The following XXYLT1 variants were observed in gnomAD, a reference collection of about 807,000 sequenced individuals.
The protein encoded by XXYLT1 is UDP-xylose:alpha-xyloside alpha-1,3-xylosyltransferase.
A neutral mutation model predicts 28.9 loss-of-function variants in XXYLT1; 20 were observed. That is an observed-to-expected ratio of 0.69 (90% CI 0.49 to 1.00). XXYLT1 has a LOEUF of 1.00. Ranked by LOEUF, XXYLT1 falls within the 50% of genes least tolerant of loss-of-function variation. The pLI, the probability that XXYLT1 is intolerant of heterozygous loss-of-function variation, is 0.00. For missense variants in XXYLT1, 542 were observed against 560.1 expected (o/e 0.97, Z 0.33); for synonymous variants, 257 against 253.8 (o/e 1.01, Z -0.12).
intron 3 of XXYLT1, among the ~76,000 whole-genome samples, chr3:195,097,563 C>T (rs1716519424): frequency 6.6e-6 from 1 of 152,144 alleles, no homozygotes; most frequent in Admixed American, 6.5e-5. Context: ...GAAACTGAGG[C>T]TTACAAGGGT....
intron 1 of XXYLT1, among the ~76,000 whole-genome samples, chr3:195,268,598 C>CAAA (rs1725917193): frequency 6.2e-5 from 3 of 48,218 alleles, no homozygotes; most frequent in Admixed American, 5.5e-4. Flanking sequence ...AACTCCATCT[C>CAAA]ACAAAAAAAA....
chr3:195,079,411 G>A (rs907082639), intron 3 of XXYLT1, among the ~76,000 whole-genome samples: 2 of 152,174 alleles, frequency 1.3e-5, no homozygotes, highest in African/African-American at 4.8e-5. Context: ...AAGACAGACT[G>A]AAGAAATACA....
chr3:195,209,463 A>G lies in XXYLT1; in HGVS notation c.652+17246T>C, dbSNP rs1455926812. The G allele has an allele frequency of 6.6e-6, 1 of 152,484 alleles. No homozygotes were observed. Among genetic ancestry groups the G allele is most frequent in the African/African-American group, 2.4e-5 (1 of 41,572 alleles). 9.4% of individuals were successfully genotyped at this position (152,484 alleles called of 1,614,324 possible). A position where few individuals can be genotyped will look rare whatever the true frequency, so the allele number is the denominator to read the frequency against. On this transcript the variant is annotated intron_variant, in intron 2 of 3. Coordinates refer to ENST00000310380, the MANE Select transcript of XXYLT1 (RefSeq NM_152531.5). This position sits in a 1 kb window ranked among gnomAD's most constrained non-coding sequence, Gnocchi z 5.0. ...TTCCGGCTCTTGCCATCTCAGCCAC[A>G]TCAGGCCCGACTTAGGACCCTCTGG... is the stretch of plus-strand genomic sequence containing the variant.
At chr3:195,098,898 C>A (rs1012524086) in intron 3 of XXYLT1, among the ~76,000 whole-genome samples, 2 of 152,216 alleles carry the variant, frequency 1.3e-5, no homozygotes, top group Non-Finnish European at 2.9e-5. Context: ...GGCTTTCCGT[C>A]CCATGTTCTG....
At position 195,210,184 on chromosome 3, in the gene XXYLT1, CTG is replaced by C. The variant is rs1050878365; in HGVS notation, c.652+16523_652+16524del. On this transcript the variant is annotated intron_variant, in intron 2 of 3. Coordinates refer to ENST00000310380, the MANE Select transcript of XXYLT1 (RefSeq NM_152531.5). The surrounding 1 kb of genome is among the most constrained non-coding windows in gnomAD (Gnocchi z 4.8). ...CCTCATCCTCCTCAAAGCTTCCTCT[CTG>C]TGCCCTGACAGAACTGACAGCACCT... Among the ~76,000 whole-genome samples the C allele has an allele frequency of 2.0e-5, 3 of 152,234 alleles. No individual in the cohort carries two copies. Among genetic ancestry groups the C allele is most frequent in the African/African-American group, 7.2e-5 (3 of 41,458 alleles).
intron 1 of XXYLT1, among the ~76,000 whole-genome samples, chr3:195,262,209 T>C (rs1450311934): frequency 6.6e-6 from 1 of 152,154 alleles, no homozygotes; most frequent in East Asian, 1.9e-4. Context: ...CTAAAAACAC[T>C]AGGCTAAAAG....
rs572136176 is a variant in XXYLT1 at position 195,256,425 on chromosome 3, C to T, written c.504+14130G>A. The T allele has an allele frequency of 3.7e-4, 339 of 923,154 alleles. No homozygotes were observed. The highest frequency in any genetic ancestry group is 4.0e-4 in the Non-Finnish European group (308 of 773,072). 57.2% of individuals were successfully genotyped at this position (923,154 alleles called of 1,614,324 possible). A position where few individuals can be genotyped will look rare whatever the true frequency, so the allele number is the denominator to read the frequency against. ...TCATGCTCCGCGCAGGCCTGAGGTG[C>T]GGCCCTGCACAGGGCAGGGCCCGAG... On this transcript the variant is annotated intron_variant, in intron 1 of 3. Coordinates refer to ENST00000310380, the MANE Select transcript of XXYLT1 (RefSeq NM_152531.5). This position sits in a 1 kb window ranked among gnomAD's most constrained non-coding sequence, Gnocchi z 4.2.
intron 3 of XXYLT1, among the ~76,000 whole-genome samples, chr3:195,073,055 CA>C (rs1453030927): frequency 6.6e-6 from 1 of 152,206 alleles, no homozygotes; most frequent in Non-Finnish European, 1.5e-5. Context: ...CCTGGCAGCC[CA>C]GGGACATTAC....
At chr3:195,149,776 A>G (rs60023213) in intron 3 of XXYLT1, among the ~76,000 whole-genome samples, 1 of 152,220 alleles carries the variant, frequency 6.6e-6, no homozygotes, top group African/African-American at 2.4e-5. Flanking sequence ...ATACCTTACA[A>G]TGTTTAGGGT....
chr3:195,263,918 C>T (rs952408538), intron 1 of XXYLT1, among the ~76,000 whole-genome samples: 2 of 152,138 alleles, frequency 1.3e-5, no homozygotes, highest in Non-Finnish European at 2.9e-5. Flanking sequence ...ACTATAGTGT[C>T]GACGGGAAAA....
At chr3:195,207,187 G>A (rs992870912) in intron 2 of XXYLT1, among the ~76,000 whole-genome samples, 12 of 152,176 alleles carry the variant, frequency 7.9e-5, no homozygotes, top group South Asian at 2.1e-4. Flanking sequence ...CTGGGGCATC[G>A]GGCCTGCAGG....
intron 3 of XXYLT1, among the ~76,000 whole-genome samples, chr3:195,083,370 A>C (rs1715546943): frequency 6.6e-6 from 1 of 152,156 alleles, no homozygotes; most frequent in African/African-American, 2.4e-5. Context: ...AGTCCTCAGG[A>C]AACTTCTGAA....
At position 195,076,340 on chromosome 3, in the gene XXYLT1, G is replaced by A. The variant is rs11921838; in HGVS notation, c.786-6229C>T. On this transcript the variant is annotated intron_variant, in intron 3 of 3. Transcript: ENST00000310380. The surrounding 1 kb of genome is among the most constrained non-coding windows in gnomAD (Gnocchi z 5.3). ...GAAGCCCGCACGGGGTCACGGGGCC[G>A]ACTGCGGCACAGACATTGGAACTCG... Among the ~76,000 whole-genome samples, 3,800 of 146,270 alleles carry A rather than the reference G, an allele frequency of 0.026. 143 individuals are homozygous for A. The highest frequency in any genetic ancestry group is 0.089 in the African/African-American group (3,607 of 40,422).
At position 195,077,081 on chromosome 3, in the gene XXYLT1, T is replaced by G. The variant is rs963900115; in HGVS notation, c.786-6970A>C. On this transcript the variant is annotated intron_variant, in intron 3 of 3. Transcript: ENST00000310380. The surrounding 1 kb of genome is among the most constrained non-coding windows in gnomAD (Gnocchi z 4.8). ...ACTGTCCAGGGACTCAGAGGACACC[T>G]GTGGGGCCCAGAACTGCCCTCAGCA... is the stretch of plus-strand genomic sequence containing the variant. Among the ~76,000 whole-genome samples, 2 of 152,142 alleles carry G rather than the reference T, an allele frequency of 1.3e-5. No individual in the cohort carries two copies. Among genetic ancestry groups the G allele is most frequent in the African/African-American group, 2.4e-5 (1 of 41,430 alleles).
chr3:195,094,184 C>T (rs1166050685), intron 3 of XXYLT1: 2 of 152,748 alleles, frequency 1.3e-5, no homozygotes, highest in African/African-American at 4.8e-5. Context: ...GTGGACGCAC[C>T]TTGGAAGGAG....
At chr3:195,166,399 G>A (rs1560130571) in intron 2 of XXYLT1, among the ~76,000 whole-genome samples, 1 of 152,114 alleles carries the variant, frequency 6.6e-6, no homozygotes, top group Non-Finnish European at 1.5e-5. Context: ...GAGAAAACAA[G>A]GTTTTGACTC....
In XXYLT1 at chr3:195,205,778, G is replaced by A. The variant is rs578212658; in HGVS notation, c.652+20931C>T. On this transcript the variant is annotated intron_variant, in intron 2 of 3. Coordinates refer to ENST00000310380, the MANE Select transcript of XXYLT1 (RefSeq NM_152531.5). Reference sequence around the variant, plus strand: ...CTCGGGAGGCTGAGGCAGGAGAATCGCTTGAACCCAGGAGGTGAAGGTTGC... The same window carrying A: ...CTCGGGAGGCTGAGGCAGGAGAATCACTTGAACCCAGGAGGTGAAGGTTGC... 3.5e-4 allele frequency among the ~76,000 whole-genome samples: 53 copies of A among 152,222 alleles called. No homozygotes were observed. The East Asian group carries it at 8.3e-3, about 24-fold the overall frequency.
chr3:195,245,317 C>T (rs374097675), intron 1 of XXYLT1, among the ~76,000 whole-genome samples: 38 of 151,754 alleles, frequency 2.5e-4, no homozygotes, highest in Non-Finnish European at 4.3e-4. Context: ...CGCACCACCA[C>T]GCCCAGCTAG....
At chr3:195,109,408 G>A (rs560524996) in intron 3 of XXYLT1, among the ~76,000 whole-genome samples, 1,110 of 74,204 alleles carry the variant, frequency 0.015, 6 homozygotes, top group African/African-American at 0.057. Context: ...ATGTGTGCAT[G>A]TGTATGGTGT....
Sources: allele counts gnomAD v4.1 joint callset (sites outside exome capture counted in the v4.1 genomes callset), GRCh38; gene constraint gnomAD v4.1.1; non-coding constraint Gnocchi (gnomAD v3.1); transcripts MANE v1.5; gene names NCBI Gene and HGNC (gene_info 2026-07-23, HGNC 2026-07-21).